Variants in EYA2 observed in about 807,000 individuals in gnomAD.
The protein encoded by EYA2 is protein phosphatase EYA2.
EYA2 carries 31 observed loss-of-function variants against 69.2 expected under a neutral mutation model. That is an observed-to-expected ratio of 0.45 (90% CI 0.34 to 0.60). EYA2 has a LOEUF of 0.60. Ranked by LOEUF, EYA2 falls within the 20% of genes least tolerant of loss-of-function variation. EYA2 has a pLI of 0.02. For synonymous variants in EYA2, 257 were observed against 279.4 expected (o/e 0.92, Z 0.80); for missense variants, 622 against 701.2 (o/e 0.89, Z 1.28).
At chr20:47,124,011 G>A (rs377759389) in intron 9 of EYA2, among the ~76,000 whole-genome samples, 13 of 152,080 alleles carry the variant, frequency 8.5e-5, no homozygotes, top group East Asian at 7.7e-4. Flanking sequence ...GGAGTGGGGG[G>A]CCTAATGAAC....
At chr20:47,130,810 C>G (rs1207488499) in intron 9 of EYA2, among the ~76,000 whole-genome samples, 2 of 152,102 alleles carry the variant, frequency 1.3e-5, no homozygotes, top group Non-Finnish European at 2.9e-5. Flanking sequence ...CATGCAAAGC[C>G]CGGGCGAGGT....
intron 1 of EYA2, among the ~76,000 whole-genome samples, chr20:46,950,286 T>C (rs1404418247): frequency 6.6e-6 from 1 of 152,166 alleles, no homozygotes; most frequent in Non-Finnish European, 1.5e-5. Context: ...CTTGCAGCGA[T>C]GTTCCCCTCT....
At position 46,987,314 on chromosome 20, in the gene EYA2, A is replaced by G. The variant is rs113450686; in HGVS notation, c.-10-2687A>G. 1.0e-3 allele frequency among the ~76,000 whole-genome samples: 153 copies of G among 152,300 alleles called. 1 individual carries two copies. Among genetic ancestry groups the G allele is most frequent in the Non-Finnish European group, 1.3e-3 (86 of 68,024 alleles). Reference sequence around the variant, plus strand: ...TCATTTTCACATATTATGAAATAGTATCCTTCTTTTGATTATTTTGCAACC... The same window carrying G: ...TCATTTTCACATATTATGAAATAGTGTCCTTCTTTTGATTATTTTGCAACC... On this transcript the variant is annotated intron_variant, in intron 1 of 15. Transcript: ENST00000327619.
chr20:46,965,671 C>G (rs1215889640), intron 1 of EYA2, among the ~76,000 whole-genome samples: 4 of 152,252 alleles, frequency 2.6e-5, no homozygotes, highest in African/African-American at 7.2e-5. Context: ...CAGGCCCACG[C>G]TTGTTCAGCC....
chr20:47,153,563 AG>A (rs2033865180), intron 10 of EYA2, among the ~76,000 whole-genome samples: 1 of 151,874 alleles, frequency 6.6e-6, no homozygotes, highest in Non-Finnish European at 1.5e-5. Flanking sequence ...GCTGAGGTAG[AG>A]GATCAATTGA....
intron 9 of EYA2, among the ~76,000 whole-genome samples, chr20:47,126,565 A>G (rs765354887): frequency 5.3e-5 from 8 of 152,132 alleles, no homozygotes; most frequent in Non-Finnish European, 1.2e-4. Context: ...GCTGGCGGGG[A>G]GAGACTTAGG....
rs1982740512 is a variant in EYA2 at position 47,006,740 on chromosome 20, C to A, written c.298+1656C>A. ...TTACTGCCTAAAACCGATGATCAGG[C>A]AGCACTAGACTCACAGTTTTGGTAT... On this transcript the variant is annotated intron_variant, in intron 4 of 15. Coordinates refer to ENST00000327619, the MANE Select transcript of EYA2 (RefSeq NM_005244.5). 1.3e-5 allele frequency among the ~76,000 whole-genome samples: 2 copies of A among 152,196 alleles called. 1 individual carries two copies. Among genetic ancestry groups the A allele is most frequent in the Admixed American group, 1.3e-4 (2 of 15,276 alleles).
chr20:47,001,787 CT>C (rs61340904), intron 3 of EYA2, among the ~76,000 whole-genome samples: 77,968 of 147,402 alleles, frequency 0.53, 21,884 homozygotes, highest in Non-Finnish European at 0.66. Context: ...TCTCTTCATT[CT>C]TTTTTTTTTT....
chr20:47,134,147 T>C (rs2146582604), intron 9 of EYA2, among the ~76,000 whole-genome samples: 1 of 152,304 alleles, frequency 6.6e-6, no homozygotes. Context: ...GCTAAATGGC[T>C]CTTCCCAAGT....
In EYA2 at chr20:47,074,350, T is replaced by C. The variant is rs754924338; in HGVS notation, c.661+15T>C. On this transcript the variant is annotated intron_variant, in intron 7 of 15. Coordinates refer to ENST00000327619, the MANE Select transcript of EYA2 (RefSeq NM_005244.5). The stretch of plus-strand genomic sequence containing the variant: ...GTCACTTGCTGGTAGGTGCAGTCAC[T>C]GGTGGGGCCATTCATGGCTGTGGTC... 1.6e-5 allele frequency: 25 copies of C among 1,612,482 alleles called. No individual in the cohort carries two copies. The East Asian group carries it at 1.8e-4, about 12-fold the overall frequency.
intron 2 of EYA2, among the ~76,000 whole-genome samples, chr20:46,991,744 C>A (rs377146243): frequency 6.6e-6 from 1 of 151,932 alleles, no homozygotes; most frequent in Admixed American, 6.6e-5. Context: ...CCAAGGCAGG[C>A]GGATCACGAG....
intron 13 of EYA2, among the ~76,000 whole-genome samples, chr20:47,180,402 A>G (rs2034516315): frequency 6.6e-6 from 1 of 152,210 alleles, no homozygotes; most frequent in Non-Finnish European, 1.5e-5. Flanking sequence ...TAATAGCGGC[A>G]GAGACTTTTC....
At chr20:46,991,027 A>G (rs748423281) in intron 2 of EYA2, among the ~76,000 whole-genome samples, 5 of 152,218 alleles carry the variant, frequency 3.3e-5, no homozygotes, top group African/African-American at 9.6e-5. Flanking sequence ...TGCGCTGATG[A>G]AAGTACCACC....
At chr20:47,123,861 A>T (rs1262798789) in intron 9 of EYA2, among the ~76,000 whole-genome samples, 1 of 152,016 alleles carries the variant, frequency 6.6e-6, no homozygotes, top group African/African-American at 2.4e-5. Flanking sequence ...ACCTGGTGGC[A>T]CACACCTGTA....
At chr20:47,084,796 G>A (rs1314794247) in intron 7 of EYA2, among the ~76,000 whole-genome samples, 1 of 151,540 alleles carries the variant, frequency 6.6e-6, no homozygotes, top group Admixed American at 6.6e-5. Context: ...GCTGGAAAAT[G>A]GTACAACCAC....
At chr20:47,119,536 T>G (rs981210149) in intron 9 of EYA2, among the ~76,000 whole-genome samples, 1 of 152,336 alleles carries the variant, frequency 6.6e-6, no homozygotes, top group South Asian at 2.1e-4. Context: ...AACACACTTA[T>G]GTCAAGTGAA....
At chr20:46,954,599 C>T (rs192789059) in intron 1 of EYA2, among the ~76,000 whole-genome samples, 33 of 152,296 alleles carry the variant, frequency 2.2e-4, no homozygotes, top group Admixed American at 6.5e-4. Context: ...AATACCATGC[C>T]GATGAGTGGC....
At chr20:46,943,761 C>G (rs1224538556) in intron 1 of EYA2, among the ~76,000 whole-genome samples, 1 of 152,154 alleles carries the variant, frequency 6.6e-6, no homozygotes, top group Non-Finnish European at 1.5e-5. Flanking sequence ...TGCTCATCTC[C>G]AAAGCTGTAA....
At chr20:46,975,461 G>A (rs946012341) in intron 1 of EYA2, among the ~76,000 whole-genome samples, 2 of 152,168 alleles carry the variant, frequency 1.3e-5, no homozygotes, top group African/African-American at 4.8e-5. Context: ...CTGGAGCCCA[G>A]GAGTTCAGGA....
Sources: gnomAD v4.1 joint callset for allele counts (sites outside exome capture counted in the v4.1 genomes callset) on GRCh38, gnomAD v4.1.1 for gene constraint, MANE v1.5 for transcripts, NCBI Gene and HGNC (gene_info 2026-07-23, HGNC 2026-07-21) for gene names.